MYT1L: variants seen among roughly 807,000 people sequenced by gnomAD.
MYT1L encodes the protein myelin transcription factor 1 like, also known as myelin transcription factor 1-like protein.
In MYT1L, 12 loss-of-function variants were observed where a neutral mutation model predicts 126.7. The observed-to-expected ratio is 0.09, with a 90% CI of 0.06 to 0.15. The LOEUF (loss-of-function observed/expected upper bound fraction) is 0.15. MYT1L is among the 10% of genes least tolerant of loss of function. The pLI is 1.00. For missense variants in MYT1L, 979 were observed against 1,585.2 expected (o/e 0.62, Z 6.49); for synonymous variants, 541 against 604.2 (o/e 0.90, Z 1.53).
intron 18 of MYT1L, 69 bp from the exon 19 acceptor site, chr2:1,851,772 T>C (rs1159118021): frequency 2.0e-6 from 3 of 1,480,378 alleles, no homozygotes; most frequent in African/African-American, 2.8e-5. Flanking sequence ...TAACTTTTTT[T>C]TAATCCAAAA....
chr2:2,244,487 T>C (rs1408235751), intron 2 of MYT1L, among the ~76,000 whole-genome samples: 1 of 152,224 alleles, frequency 6.6e-6, no homozygotes, highest in East Asian at 1.9e-4. Context: ...ACAGGGCACA[T>C]AATATCCCCA....
intron 3 of MYT1L, among the ~76,000 whole-genome samples, chr2:2,122,547 A>C (rs1353742522): frequency 6.6e-6 from 1 of 152,210 alleles, no homozygotes; most frequent in African/African-American, 2.4e-5. Context: ...TCATATACAA[A>C]GTAATTCATG....
At chr2:2,214,231 T>C (rs1165810974) in intron 2 of MYT1L, among the ~76,000 whole-genome samples, 1 of 146,648 alleles carries the variant, frequency 6.8e-6, no homozygotes, top group Non-Finnish European at 1.5e-5. Flanking sequence ...CAGAATAACC[T>C]AAAAAAAAAA....
rs779369753 is a variant in MYT1L at position 1,793,038 on chromosome 2, T to C, written c.3277-574A>G. Among the ~76,000 whole-genome samples, 2 of 152,058 alleles carry C rather than the reference T, an allele frequency of 1.3e-5. No homozygotes were observed. The highest frequency in any genetic ancestry group is 4.8e-5 in the African/African-American group (2 of 41,384). On this transcript the variant is annotated intron_variant, in intron 23 of 24. Transcript: ENST00000647738. This position sits in a 1 kb window ranked among gnomAD's most constrained non-coding sequence, Gnocchi z 4.6. ...GCCGGCCTGATGGGACTGCAGTGTG[T>C]AGGGGGCTTGATGCGAATACTTCTC...
intron 1 of MYT1L, among the ~76,000 whole-genome samples, chr2:2,302,533 C>T (rs1178650600): frequency 6.6e-6 from 1 of 152,160 alleles, no homozygotes; most frequent in Non-Finnish European, 1.5e-5. Context: ...TGTCAAATTG[C>T]AATGACTATG....
At chr2:2,027,840 G>C (rs1359089192) in intron 4 of MYT1L, among the ~76,000 whole-genome samples, 1 of 152,162 alleles carries the variant, frequency 6.6e-6, no homozygotes, top group African/African-American at 2.4e-5. Flanking sequence ...TTTAGAAAGG[G>C]TGTCAGTGGC....
At chr2:1,870,782 A>G (rs2046182460) in intron 18 of MYT1L, among the ~76,000 whole-genome samples, 1 of 152,218 alleles carries the variant, frequency 6.6e-6, no homozygotes, top group Non-Finnish European at 1.5e-5. Context: ...TTGGGTTGAA[A>G]TCTTGTCTCT....
chr2:2,137,778 C>CA (rs1553505093), intron 3 of MYT1L, among the ~76,000 whole-genome samples: 33 of 152,046 alleles, frequency 2.2e-4, no homozygotes, highest in African/African-American at 7.7e-4. Context: ...ACATAGGCAC[C>CA]GCAAGGACTT....
At chr2:2,257,714 T>C (rs1481565827) in intron 2 of MYT1L, among the ~76,000 whole-genome samples, 1 of 151,672 alleles carries the variant, frequency 6.6e-6, no homozygotes, top group Admixed American at 6.6e-5. Context: ...CAAGGAGAAC[T>C]ACAAACCACT....
chr2:2,134,744 T>G (rs975252356), intron 3 of MYT1L, among the ~76,000 whole-genome samples: 1 of 152,166 alleles, frequency 6.6e-6, no homozygotes, highest in African/African-American at 2.4e-5. Context: ...ATGAACGTTG[T>G]TTTTTAAGCT....
intron 2 of MYT1L, among the ~76,000 whole-genome samples, chr2:2,272,022 C>G (rs948985201): frequency 6.6e-6 from 1 of 152,220 alleles, no homozygotes; most frequent in Non-Finnish European, 1.5e-5. Context: ...GCTGCCTGAA[C>G]TCTGCATCCT....
chr2:1,975,247 T>TGCCAGATTCCACTGCCAGATCCCACC (rs1553373526), intron 8 of MYT1L, among the ~76,000 whole-genome samples: 11 of 149,726 alleles, frequency 7.3e-5, no homozygotes, highest in African/African-American at 2.5e-4. Flanking sequence ...CCAAACAGAC[T>TGCCAGATTCCACTGCCAGATCCCACC]GCCAGATCCC....
In MYT1L at chr2:2,197,736, CAT is replaced by C. The variant is rs555599996; in HGVS notation, c.-420-24750_-420-24749del. Among the ~76,000 whole-genome samples the C allele has an allele frequency of 6.7e-5, 10 of 148,190 alleles. No homozygotes were observed. The East Asian group carries it at 8.0e-4, about 12-fold the overall frequency. On this transcript the variant is annotated intron_variant, in intron 2 of 24. Coordinates refer to ENST00000647738, the MANE Select transcript of MYT1L (RefSeq NM_001303052.2). ...TGTGTAGAGATGTATATAACACACA[CAT>C]ATATACACACATGCACACACACACA...
intron 2 of MYT1L, among the ~76,000 whole-genome samples, chr2:2,217,023 A>T (rs72769229): frequency 0.12 from 18,373 of 152,224 alleles, 1,176 homozygotes; most frequent in Non-Finnish European, 0.15. Context: ...AAGAAATGCA[A>T]ATTGTAGTTA....
chr2:2,280,315 G>C (rs2095429813), intron 2 of MYT1L, among the ~76,000 whole-genome samples: 1 of 152,144 alleles, frequency 6.6e-6, no homozygotes, highest in Admixed American at 6.5e-5. Flanking sequence ...TTTACGTATT[G>C]TTGATTTGTT....
intron 1 of MYT1L, among the ~76,000 whole-genome samples, chr2:2,310,025 A>T (rs1215031499): frequency 1.3e-5 from 2 of 151,824 alleles, no homozygotes; most frequent in Non-Finnish European, 2.9e-5. Flanking sequence ...CTCTATGTAT[A>T]CTTCACTGGC....
chr2:1,978,470 T>C (rs902041597), intron 8 of MYT1L, among the ~76,000 whole-genome samples: 6 of 152,242 alleles, frequency 3.9e-5, no homozygotes, highest in Non-Finnish European at 5.9e-5. Flanking sequence ...AGGACTGATG[T>C]GTACCTGACA....
chr2:2,302,145 C>T (rs575829687), intron 1 of MYT1L, among the ~76,000 whole-genome samples: 107 of 152,240 alleles, frequency 7.0e-4, no homozygotes, highest in African/African-American at 2.4e-3. Flanking sequence ...AGAAAATGCA[C>T]ACACAGAGAA....
At chr2:2,330,648 C>A (rs1012688359) in intron 1 of MYT1L, among the ~76,000 whole-genome samples, 1 of 152,168 alleles carries the variant, frequency 6.6e-6, no homozygotes, top group African/African-American at 2.4e-5. Flanking sequence ...CCAGTAAAGT[C>A]TCTGGGAAGT....
Sources: allele counts gnomAD v4.1 joint callset (sites outside exome capture counted in the v4.1 genomes callset), GRCh38; gene constraint gnomAD v4.1.1; non-coding constraint Gnocchi (gnomAD v3.1); transcripts MANE v1.5; gene names NCBI Gene and HGNC (gene_info 2026-07-23, HGNC 2026-07-21).